Variants in SLC6A3 observed in about 807,000 individuals in gnomAD.
SLC6A3 encodes solute carrier family 6 member 3.
A neutral mutation model predicts 70.4 loss-of-function variants in SLC6A3; 19 were observed. The ratio of observed to expected loss-of-function variants is 0.27; its 90% CI spans 0.19 to 0.40. The LOEUF is 0.40. Among genes scored for constraint, SLC6A3 ranks in the 10% least tolerant of loss-of-function variants. The pLI is 1.00. For missense variants in SLC6A3, 613 were observed against 838.5 expected, an observed-to-expected ratio of 0.73 and a Z score of 3.32; for synonymous variants, 368 against 356.6, an observed-to-expected ratio of 1.03 and a Z score of -0.36.
In SLC6A3 at chr5:1,432,486, T is replaced by G; in HGVS notation, c.631A>C (p.Thr211Pro). The stretch of plus-strand genomic sequence containing the variant: ...TACTCAAAGTACTCGGCAGCAGGTG[T>G]GGTCCCAAAAGTGTCGTTGAGGCCC... ...SSGLNDTFGTTPAAEYFERGV... is the reference protein window; with the variant it reads ...SSGLNDTFGTPPAAEYFERGV... Residue 211 changes from threonine (T) to proline (P), a missense_variant, in exon 4 of 15, where the codon ACA (threonine) becomes CCA (proline). Physicochemically the swap from Thr to Pro is conservative, Grantham distance 38. Coordinates refer to ENST00000270349, the MANE Select transcript of SLC6A3 (RefSeq NM_001044.5). 6.2e-7 allele frequency: 1 copy of G among 1,614,100 alleles called. No homozygotes were observed. Among genetic ancestry groups the G allele is most frequent in the Non-Finnish European group, 8.5e-7 (1 of 1,179,924 alleles).
intron 4 of SLC6A3, among the ~76,000 whole-genome samples, chr5:1,424,436 C>T (rs1756533065): frequency 6.6e-6 from 1 of 152,204 alleles, no homozygotes. Flanking sequence ...CTCCCAGCAA[C>T]TTTGTGCAGC....
chr5:1,410,923 CGTGTATGTGTGTAT>C (rs1756105387), intron 9 of SLC6A3, among the ~76,000 whole-genome samples: 1 of 151,302 alleles, frequency 6.6e-6, no homozygotes, highest in Non-Finnish European at 1.5e-5. Flanking sequence ...TGTGTGTGTT[CGTGTATGTGTGTAT>C]GTGTGTGCGT....
chr5:1,438,845 G>A lies in SLC6A3; in HGVS notation c.418+2514C>T, dbSNP rs1234176483. Among the ~76,000 whole-genome samples the A allele has an allele frequency of 1.3e-5, 2 of 152,208 alleles. No individual in the cohort carries two copies. Among genetic ancestry groups the A allele is most frequent in the Non-Finnish European group, 2.9e-5 (2 of 68,034 alleles). On this transcript the variant is annotated intron_variant, in intron 3 of 14. Coordinates refer to ENST00000270349, the MANE Select transcript of SLC6A3 (RefSeq NM_001044.5). The surrounding 1 kb of genome is among the most constrained non-coding windows in gnomAD (Gnocchi z 6.5). ...GGATGTCGCTGCAGCCTGTGCCAGAGCACAATGTCATCTTTCCTCAGTTTC... is the reference window on the plus strand; with the variant it reads ...GGATGTCGCTGCAGCCTGTGCCAGAACACAATGTCATCTTTCCTCAGTTTC...
At chr5:1,427,650 T>C (rs997959013) in intron 4 of SLC6A3, among the ~76,000 whole-genome samples, 5 of 152,106 alleles carry the variant, frequency 3.3e-5, no homozygotes, top group Non-Finnish European at 7.4e-5. Flanking sequence ...AGTTTAAAAA[T>C]AAAAGGCTGG....
intron 1 of SLC6A3, among the ~76,000 whole-genome samples, chr5:1,444,644 C>T (rs941586520): frequency 2.6e-5 from 4 of 152,232 alleles, no homozygotes; most frequent in Non-Finnish European, 5.9e-5. Context: ...AGGGGTTCCG[C>T]GGCGCGAGCA....
At position 1,408,930 on chromosome 5, in the gene SLC6A3, C is replaced by G; in HGVS notation, c.1498+96G>C. On this transcript the variant is annotated intron_variant, in intron 11 of 14. Transcript: ENST00000270349. The surrounding 1 kb of genome is among the most constrained non-coding windows in gnomAD (Gnocchi z 6.4). ...TGACCACAACCCAGGCTTCCTGCAGCTGAAAGGTGTTTCCTCACGGAGCCT... is the reference window on the plus strand; with the variant it reads ...TGACCACAACCCAGGCTTCCTGCAGGTGAAAGGTGTTTCCTCACGGAGCCT... 1 of 841,152 alleles carries G rather than the reference C, an allele frequency of 1.2e-6. No homozygotes were observed. Among genetic ancestry groups the G allele is most frequent in the Admixed American group, 1.9e-5 (1 of 51,420 alleles). 52.1% of individuals were successfully genotyped at this position (841,152 alleles called of 1,614,324 possible). A position where few individuals can be genotyped will look rare whatever the true frequency, so the allele number is the denominator to read the frequency against.
intron 6 of SLC6A3, among the ~76,000 whole-genome samples, chr5:1,419,513 T>A (rs1756386319): frequency 6.6e-6 from 1 of 152,226 alleles, no homozygotes; most frequent in Non-Finnish European, 1.5e-5. Context: ...AGGCTCTACG[T>A]TGTCCTTGTG....
rs1193171582 is a variant in SLC6A3 at position 1,438,150 on chromosome 5, C to T, written c.418+3209G>A. Among the ~76,000 whole-genome samples, 1 of 152,256 alleles carries T rather than the reference C, an allele frequency of 6.6e-6. No individual in the cohort carries two copies. Among genetic ancestry groups the T allele is most frequent in the Non-Finnish European group, 1.5e-5 (1 of 68,042 alleles). ...GTCCAGCTTTCTTGCACTGATTCAT[C>T]TATCCCTTCGTGGGTCGAACAGTTC... On this transcript the variant is annotated intron_variant, in intron 3 of 14. Transcript: ENST00000270349. This position sits in a 1 kb window ranked among gnomAD's most constrained non-coding sequence, Gnocchi z 6.5.
chr5:1,430,589 A>C (rs745589691), intron 4 of SLC6A3, among the ~76,000 whole-genome samples: 2 of 152,218 alleles, frequency 1.3e-5, no homozygotes, highest in Non-Finnish European at 2.9e-5. Flanking sequence ...CGAAGGCTCC[A>C]TCTCAGCCAT....
rs577802449 is a variant in SLC6A3 at position 1,414,780 on chromosome 5, G to A, written c.1067C>T (p.Thr356Met). 2.5e-5 allele frequency: 41 copies of A among 1,612,808 alleles called. No individual in the cohort carries two copies. The highest frequency in any genetic ancestry group is 5.5e-5 in the South Asian group (5 of 91,094). The change falls in exon 8 of 15, where the codon ACG becomes ATG. Residue 356 changes from threonine (T) to methionine (M), a missense_variant. Physicochemically the swap from Thr to Met is moderately conservative, Grantham distance 81 (BLOSUM62 -1). This residue lies in a region of SLC6A3 where 348 missense variants were observed against 481.2 expected (regional missense o/e 0.72). Coordinates refer to ENST00000270349, the MANE Select transcript of SLC6A3 (RefSeq NM_001044.5). ...AIVTTSINSL[T>M]SFSSGFVVFS... ...GACGACGAAGCCGGAGGAGAAGCTC[G>A]TCAGGGAGTTGATGGAGGTGGTGAC...
Position 1,439,835 on chromosome 5 carries a change from G to A in SLC6A3, c.418+1524C>T, listed in dbSNP as rs866300144. 2.6e-5 allele frequency among the ~76,000 whole-genome samples: 4 copies of A among 152,352 alleles called. No individual in the cohort carries two copies. In the South Asian group the frequency reaches 6.2e-4, roughly 24 times the overall value. ...GGCCCACTGGGCAAGTGTGACCTGC[G>A]TGCAGGGATTGGGGAGTCAGAAACG... On this transcript the variant is annotated intron_variant, in intron 3 of 14. Coordinates refer to ENST00000270349, the MANE Select transcript of SLC6A3 (RefSeq NM_001044.5).
At position 1,436,109 on chromosome 5, in the gene SLC6A3, C is replaced by G. The variant is rs1357051680; in HGVS notation, c.419-3411G>C. Among the ~76,000 whole-genome samples the G allele has an allele frequency of 6.6e-6, 1 of 152,030 alleles. No homozygotes were observed. Among genetic ancestry groups the G allele is most frequent in the Non-Finnish European group, 1.5e-5 (1 of 68,008 alleles). On this transcript the variant is annotated intron_variant, in intron 3 of 14. Coordinates refer to ENST00000270349, the MANE Select transcript of SLC6A3 (RefSeq NM_001044.5). The surrounding 1 kb of genome is among the most constrained non-coding windows in gnomAD (Gnocchi z 5.2). ...TGGGCACCTGGGTGAGGAAATGGCT[C>G]CCTTGAACGGTAGTGGCCACTGTCA...
chr5:1,403,174 G>A lies in SLC6A3; in HGVS notation c.1600-85C>T, dbSNP rs541102793. On this transcript the variant is annotated intron_variant, in intron 12 of 14. Transcript: ENST00000270349. ...GGGAGCGGGCAGGCACTTCATGGCAGAGCGTCTCTCAGCCCCCACAGCTGT... is the reference window on the plus strand; with the variant it reads ...GGGAGCGGGCAGGCACTTCATGGCAAAGCGTCTCTCAGCCCCCACAGCTGT... The A allele has an allele frequency of 1.2e-4, 178 of 1,470,486 alleles. No homozygotes were observed. The African/African-American group carries it at 2.3e-3, about 19-fold the overall frequency. 91.1% of individuals were successfully genotyped at this position (1,470,486 alleles called of 1,614,324 possible).
At chr5:1,399,021 A>G (rs2735933) in intron 14 of SLC6A3, among the ~76,000 whole-genome samples, 1 of 152,364 alleles carries the variant, frequency 6.6e-6, no homozygotes, top group Non-Finnish European at 1.5e-5. Context: ...CTGTGTATTG[A>G]CAATTAGAGA....
In SLC6A3 at chr5:1,421,733, G is replaced by T; in HGVS notation, c.792+143C>A. 1.1e-6 allele frequency: 1 copy of T among 877,684 alleles called. No homozygotes were observed. Among genetic ancestry groups the T allele is most frequent in the East Asian group, 2.4e-5 (1 of 41,526 alleles). 54.4% of individuals were successfully genotyped at this position (877,684 alleles called of 1,614,324 possible). The stretch of plus-strand genomic sequence containing the variant: ...GTCTCCCAAACTCAACCATGGCCAT[G>T]TGTCCACCCCAACCTGGCCATGGCC... On this transcript the variant is annotated intron_variant, in intron 5 of 14. Coordinates refer to ENST00000270349, the MANE Select transcript of SLC6A3 (RefSeq NM_001044.5). This position sits in a 1 kb window ranked among gnomAD's most constrained non-coding sequence, Gnocchi z 7.2.
At position 1,397,323 on chromosome 5, in the gene SLC6A3, C is replaced by T. The variant is rs1755743663; in HGVS notation, c.1840-2565G>A. ...GTGGGTGCCTGCAGTCCCAGCTACT[C>T]GGGAGGCTGAGGCAGGAGAATGGCG... is the stretch of plus-strand genomic sequence containing the variant. On this transcript the variant is annotated intron_variant, in intron 14 of 14. Transcript: ENST00000270349. This position sits in a 1 kb window ranked among gnomAD's most constrained non-coding sequence, Gnocchi z 4.7. 6.6e-6 allele frequency among the ~76,000 whole-genome samples: 1 copy of T among 152,158 alleles called. No homozygotes were observed.
rs1199702063 is a variant in SLC6A3 at position 1,421,220 on chromosome 5, C to T, written c.793-517G>A. ...GAGATGGAGTTTTGCTCTTTTTGCC[C>T]AGGCTGGAGTGCAGTGGCATGATCT... On this transcript the variant is annotated intron_variant, in intron 5 of 14. Coordinates refer to ENST00000270349, the MANE Select transcript of SLC6A3 (RefSeq NM_001044.5). This position sits in a 1 kb window ranked among gnomAD's most constrained non-coding sequence, Gnocchi z 7.2. 6.6e-6 allele frequency among the ~76,000 whole-genome samples: 1 copy of T among 151,244 alleles called. No homozygotes were observed. Among genetic ancestry groups the T allele is most frequent in the Non-Finnish European group, 1.5e-5 (1 of 67,908 alleles).
rs1458295788 is a variant in SLC6A3 at position 1,393,503 on chromosome 5, GAAAT to G, written c.*1228_*1231del. ...TTATTGATGTGGCACGCACCTGAGA[GAAAT>G]AAAATTCCAGTGGGGTCCCTTCCTG... On this transcript the variant is annotated 3_prime_UTR_variant, in exon 15 of 15. Coordinates refer to ENST00000270349, the MANE Select transcript of SLC6A3 (RefSeq NM_001044.5). 6 of 154,072 alleles carry G rather than the reference GAAAT, an allele frequency of 3.9e-5. No individual in the cohort carries two copies. Among genetic ancestry groups the G allele is most frequent in the Admixed American group, 3.3e-4 (5 of 15,298 alleles). 9.5% of individuals were successfully genotyped at this position (154,072 alleles called of 1,614,324 possible).
Position 1,409,611 on chromosome 5 carries a change from C to G in SLC6A3, c.1398+110G>C, listed in dbSNP as rs1756065642. 5.3e-6 allele frequency: 7 copies of G among 1,330,742 alleles called. No individual in the cohort carries two copies. In the Middle Eastern group the frequency reaches 1.1e-3, roughly 214 times the overall value. 82.4% of individuals were successfully genotyped at this position (1,330,742 alleles called of 1,614,324 possible). ...TTCTGGGGTGGGTGGGTTCGCAGCT[C>G]CCTGGAAGTGCTGCGGTTCTGTCTG... On this transcript the variant is annotated intron_variant, in intron 10 of 14. Coordinates refer to ENST00000270349, the MANE Select transcript of SLC6A3 (RefSeq NM_001044.5).
Sources: gnomAD v4.1 joint callset for allele counts (sites outside exome capture counted in the v4.1 genomes callset) on GRCh38, gnomAD v4.1.1 for gene constraint, gnomAD v4.1.1 regional missense constraint, Gnocchi (gnomAD v3.1) non-coding constraint, MANE v1.5 for transcripts, NCBI Gene and HGNC (gene_info 2026-07-23, HGNC 2026-07-21) for gene names.